TGFB2: variants seen among roughly 807,000 people sequenced by gnomAD.
TGFB2 encodes transforming growth factor beta-2 proprotein.
TGFB2 carries 13 observed loss-of-function variants against 42.7 expected under a neutral mutation model. The observed-to-expected ratio is 0.30, with a 90% CI of 0.20 to 0.48. The LOEUF (loss-of-function observed/expected upper bound fraction) is 0.48, where lower values mean the gene tolerates loss of function less well. Among genes scored for constraint, TGFB2 ranks in the 20% least tolerant of loss-of-function variants. The pLI is 0.99. For missense variants in TGFB2, 390 were observed against 517.5 expected, an observed-to-expected ratio of 0.75 and a Z score of 2.39; for synonymous variants, 193 against 193.6, an observed-to-expected ratio of 1.00 and a Z score of 0.03.
At chr1:218,423,355 C>G (rs1001712091) in intron 2 of TGFB2, among the ~76,000 whole-genome samples, 1 of 152,034 alleles carries the variant, frequency 6.6e-6, no homozygotes, top group Admixed American at 6.6e-5. Context: ...CCAGGATTAC[C>G]CTTGAAGCCA....
chr1:218,357,799 A>G (rs1657089172), intron 1 of TGFB2, among the ~76,000 whole-genome samples: 1 of 152,176 alleles, frequency 6.6e-6, no homozygotes, highest in Non-Finnish European at 1.5e-5. Context: ...CAAGCTATCT[A>G]TATGTCGGTA....
intron 1 of TGFB2, among the ~76,000 whole-genome samples, chr1:218,388,283 C>T (rs750869093): frequency 1.3e-5 from 2 of 152,248 alleles, no homozygotes; most frequent in Non-Finnish European, 2.9e-5. Context: ...CCAAGGCAGT[C>T]TGACCTGCGT....
intron 1 of TGFB2, among the ~76,000 whole-genome samples, chr1:218,377,271 A>C (rs1298455180): frequency 1.3e-5 from 2 of 152,332 alleles, no homozygotes; most frequent in South Asian, 2.1e-4. Context: ...TTAAAGTGAA[A>C]GGGAAATAGA....
At chr1:218,411,414 T>C (rs1298200255) in intron 2 of TGFB2, among the ~76,000 whole-genome samples, 1 of 152,154 alleles carries the variant, frequency 6.6e-6, no homozygotes, top group Non-Finnish European at 1.5e-5. Flanking sequence ...GTGCCTATGC[T>C]TGGAACTTCA....
rs531932404 is a variant in TGFB2 at position 218,372,588 on chromosome 1, A to G, written c.346+25541A>G. On this transcript the variant is annotated intron_variant, in intron 1 of 6. Transcript: ENST00000366930. Reference sequence around the variant, plus strand: ...TTAGGAAGAGAGCAGACTGTTTTTCAGAAATGAAACAGGTGAAGCACCAAG... The same window carrying G: ...TTAGGAAGAGAGCAGACTGTTTTTCGGAAATGAAACAGGTGAAGCACCAAG... Among the ~76,000 whole-genome samples, 14 of 152,346 alleles carry G rather than the reference A, an allele frequency of 9.2e-5. No homozygotes were observed. In the South Asian group the frequency reaches 2.9e-3, roughly 32 times the overall value.
At chr1:218,411,946 G>C (rs1336540485) in intron 2 of TGFB2, among the ~76,000 whole-genome samples, 2 of 151,974 alleles carry the variant, frequency 1.3e-5, no homozygotes, top group South Asian at 2.1e-4. Context: ...TGAACTACAG[G>C]GCAGCCCAGA....
At chr1:218,367,775 G>A (rs1657433015) in intron 1 of TGFB2, among the ~76,000 whole-genome samples, 1 of 152,150 alleles carries the variant, frequency 6.6e-6, no homozygotes, top group Non-Finnish European at 1.5e-5. Context: ...GAAGAGAAAG[G>A]TGAAGAGAGG....
intron 1 of TGFB2, among the ~76,000 whole-genome samples, chr1:218,386,622 A>C (rs1558239049): frequency 6.6e-6 from 1 of 152,192 alleles, no homozygotes; most frequent in Non-Finnish European, 1.5e-5. Context: ...GGCAGACCCC[A>C]GGGCCATTCT....
chr1:218,386,522 A>G (rs968798375), intron 1 of TGFB2, among the ~76,000 whole-genome samples: 2 of 152,220 alleles, frequency 1.3e-5, no homozygotes, highest in Non-Finnish European at 2.9e-5. Context: ...TAATGACTCC[A>G]AGAATGGCTT....
intron 1 of TGFB2, among the ~76,000 whole-genome samples, chr1:218,370,528 A>G (rs1324580859): frequency 6.6e-6 from 1 of 152,258 alleles, no homozygotes; most frequent in African/African-American, 2.4e-5. Context: ...TTCAGAAGAC[A>G]TAATGGGCCT....
At chr1:218,431,931 G>A (rs1198107094) in intron 2 of TGFB2, among the ~76,000 whole-genome samples, 1 of 152,194 alleles carries the variant, frequency 6.6e-6, no homozygotes, top group Non-Finnish European at 1.5e-5. Flanking sequence ...CTATTAAGCT[G>A]TATCTTTAAA....
intron 2 of TGFB2, among the ~76,000 whole-genome samples, chr1:218,430,750 T>C (rs1203416698): frequency 6.6e-6 from 1 of 152,224 alleles, no homozygotes; most frequent in East Asian, 1.9e-4. Flanking sequence ...TTAGAAGGTT[T>C]TCTAGATAGT....
At chr1:218,413,282 A>AG (rs1392110906) in intron 2 of TGFB2, among the ~76,000 whole-genome samples, 1 of 152,128 alleles carries the variant, frequency 6.6e-6, no homozygotes, top group African/African-American at 2.4e-5. Context: ...CTGAGGCAGG[A>AG]GAATCACTTG....
intron 1 of TGFB2, among the ~76,000 whole-genome samples, chr1:218,394,042 G>T (rs909797357): frequency 6.6e-6 from 1 of 152,086 alleles, no homozygotes; most frequent in Non-Finnish European, 1.5e-5. Context: ...GAGTAGCTGG[G>T]ATTACAGGTG....
intron 1 of TGFB2, among the ~76,000 whole-genome samples, chr1:218,356,095 C>T (rs1657023583): frequency 6.6e-6 from 1 of 152,130 alleles, no homozygotes; most frequent in South Asian, 2.1e-4. Context: ...GAATCAAGAA[C>T]AGGAGATCCA....
intron 6 of TGFB2, among the ~76,000 whole-genome samples, chr1:218,438,770 T>C (rs1402029689): frequency 6.6e-6 from 1 of 152,138 alleles, no homozygotes; most frequent in African/African-American, 2.4e-5. Flanking sequence ...CTCATCAGGA[T>C]TTTAGAGATA....
At chr1:218,375,438 TAA>T (rs11428925) in intron 1 of TGFB2, among the ~76,000 whole-genome samples, 2 of 141,374 alleles carry the variant, frequency 1.4e-5, no homozygotes, top group East Asian at 4.1e-4. Context: ...GAGAGTTAAT[TAA>T]AAAAAAAAAA....
intron 1 of TGFB2, among the ~76,000 whole-genome samples, chr1:218,404,947 TG>T: frequency 6.6e-6 from 1 of 152,238 alleles, no homozygotes; most frequent in Non-Finnish European, 1.5e-5. Context: ...GAGTTGGAAG[TG>T]GTTTGTTAAT....
At chr1:218,353,039 A>G (rs1365515940) in intron 1 of TGFB2, among the ~76,000 whole-genome samples, 3 of 152,192 alleles carry the variant, frequency 2.0e-5, no homozygotes, top group African/African-American at 7.2e-5. Flanking sequence ...CTGAGTCTCA[A>G]ATGCCTTTGA....
Sources: gnomAD v4.1 joint callset for allele counts (sites outside exome capture counted in the v4.1 genomes callset) on GRCh38, gnomAD v4.1.1 for gene constraint, MANE v1.5 for transcripts, NCBI Gene and HGNC (gene_info 2026-07-23, HGNC 2026-07-21) for gene names.